The following GREB1 variants were observed in gnomAD, a reference collection of about 807,000 sequenced individuals.
GREB1 encodes growth regulating estrogen receptor binding 1.
GREB1 carries 106 observed loss-of-function variants against 200.7 expected under a neutral mutation model. The ratio of observed to expected loss-of-function variants is 0.53; its 90% confidence interval spans 0.45 to 0.62. The LOEUF (loss-of-function observed/expected upper bound fraction) is 0.62. GREB1 is among the 20% of genes least tolerant of loss of function. GREB1 has a pLI of 0.00. For missense variants in GREB1, 2,243 were observed against 2,556.8 expected, an observed-to-expected ratio of 0.88 and a Z score of 2.65; for synonymous variants, 1,132 against 1,092.4, an observed-to-expected ratio of 1.04 and a Z score of -0.72.
At position 11,609,450 on chromosome 2, in the gene GREB1, G is replaced by A. The variant is rs1368907907; in HGVS notation, c.2667-1238G>A. Among the ~76,000 whole-genome samples the A allele has an allele frequency of 2.0e-5, 3 of 152,048 alleles. No homozygotes were observed. In the East Asian group the frequency reaches 5.8e-4, roughly 29 times the overall value. On this transcript the variant is annotated intron_variant, in intron 17 of 32. Coordinates refer to ENST00000381486, the MANE Select transcript of GREB1 (RefSeq NM_014668.4). ...TGCCTGACTAACTTTTGTATTTTTA[G>A]TAGAGGCAGGGTTTCATCATGTTGG...
rs1672790721 is a variant in GREB1, at chr2:11,492,339, C to A, written c.-159+9958C>A. Among the ~76,000 whole-genome samples the A allele has an allele frequency of 6.6e-6, 1 of 152,232 alleles. No homozygotes were observed. The highest frequency in any genetic ancestry group is 2.4e-5 in the African/African-American group (1 of 41,462). On this transcript the variant is annotated intron_variant, in intron 1 of 2. Coordinates refer to the GREB1 transcript ENST00000628795. The surrounding 1 kb of genome is among the most constrained non-coding windows in gnomAD (Gnocchi z 4.0). ...TCTCCAAACCCTCAGTGTGCTCTAT[C>A]AAGAAATGCTTGTTGGTTGGTTTGT...
At chr2:11,588,406 G>A (rs1224523083) in intron 9 of GREB1, 1 of 567,246 alleles carries the variant, frequency 1.8e-6, no homozygotes, top group Non-Finnish European at 2.7e-6. Flanking sequence ...CCCACAAGGT[G>A]TCCCATTGGT....
At chr2:11,588,197 C>A in intron 9 of GREB1, 1 of 771,924 alleles carries the variant, frequency 1.3e-6, no homozygotes, top group Non-Finnish European at 1.6e-6. Flanking sequence ...CCACTGCACT[C>A]CAGCCCGGGG....
intron 17 of GREB1, among the ~76,000 whole-genome samples, chr2:11,607,519 CAT>C (rs201035342): frequency 0.12 from 13,398 of 115,120 alleles, 916 homozygotes; most frequent in South Asian, 0.29. Context: ...TATGTACATA[CAT>C]ATATATACAC....
In GREB1 at chr2:11,595,383, G is replaced by T. The variant is rs772198119; in HGVS notation, c.1825+4G>T. ...TTCTTTAGCACCCTCTGTCCAGGTA[G>T]GCTTGTCGTGAGACAGGTGCACATG... On this transcript the variant is annotated splice_donor_region_variant and intron_variant, in intron 12 of 32. Coordinates refer to ENST00000381486, the MANE Select transcript of GREB1 (RefSeq NM_014668.4). 96 of 1,612,250 alleles carry T rather than the reference G, an allele frequency of 6.0e-5. No homozygotes were observed. Among genetic ancestry groups the T allele is most frequent in the Non-Finnish European group, 8.1e-5 (96 of 1,178,860 alleles).
intron 1 of GREB1, among the ~76,000 whole-genome samples, chr2:11,541,404 C>T (rs114509885): frequency 0.015 from 2,272 of 149,960 alleles, 65 homozygotes; most frequent in African/African-American, 0.052. Flanking sequence ...TGTGCACAGG[C>T]GGGTTCTGTG....
At chr2:11,610,380 C>T (rs1271223684) in intron 17 of GREB1, among the ~76,000 whole-genome samples, 1 of 152,142 alleles carries the variant, frequency 6.6e-6, no homozygotes, top group East Asian at 1.9e-4. Context: ...GCATTTATAC[C>T]ATTTATTCAT....
intron 1 of GREB1, among the ~76,000 whole-genome samples, chr2:11,521,291 G>A (rs1443652980): frequency 1.3e-5 from 2 of 152,024 alleles, no homozygotes; most frequent in Non-Finnish European, 1.5e-5. Flanking sequence ...TGTATTTTTA[G>A]TAGAGATGGG....
chr2:11,557,827 G>A (rs1202324986), intron 2 of GREB1, among the ~76,000 whole-genome samples: 1 of 152,130 alleles, frequency 6.6e-6, no homozygotes, highest in Admixed American at 6.6e-5. Flanking sequence ...CCAAGAATTC[G>A]CTGGCATTCA....
At chr2:11,532,410 G>T (rs75988202), upstream of GREB1, among the ~76,000 whole-genome samples, 330 of 152,318 alleles carry the variant, frequency 2.2e-3, no homozygotes, top group Non-Finnish European at 3.9e-3. Flanking sequence ...TGCTTCTGAA[G>T]GGCAGAGCTG....
rs540729202 is a variant in GREB1, at chr2:11,616,720, G to A, written c.3412G>A (p.Gly1138Ser). ...ASSSLSSKASGSALGGESSAQ... is the reference protein window; with the variant it reads ...ASSSLSSKASSSALGGESSAQ... ...CTCATCCCTCTCCTCCAAGGCTTCCGGTGAGTCTTCCCACACGGGAAGGAC... is the reference window on the plus strand; with the variant it reads ...CTCATCCCTCTCCTCCAAGGCTTCCAGTGAGTCTTCCCACACGGGAAGGAC... The change falls in exon 21 of 33, where the codon GGT (glycine) becomes AGT (serine). Residue 1138 changes from glycine to serine, a missense_variant and splice_region_variant. Gly to Ser is a moderately conservative substitution (Grantham distance 56). Transcript: ENST00000381486. 14 of 1,596,556 alleles carry A rather than the reference G, an allele frequency of 8.8e-6. No individual in the cohort carries two copies. The highest frequency in any genetic ancestry group is 4.5e-5 in the East Asian group (2 of 44,806).
At chr2:11,531,801 C>T (rs955216372), upstream of GREB1, among the ~76,000 whole-genome samples, 13 of 152,136 alleles carry the variant, frequency 8.5e-5, no homozygotes, top group Admixed American at 8.5e-4. Context: ...GATCTCCTGA[C>T]CTGAAGTGAT....
In GREB1 at chr2:11,527,047, C is replaced by T. The variant is rs1051529567; in HGVS notation, c.-158-29410C>T. 3.0e-4 allele frequency among the ~76,000 whole-genome samples: 46 copies of T among 152,192 alleles called. 1 individual carries two copies. The highest frequency in any genetic ancestry group is 4.4e-5 in the Non-Finnish European group (3 of 68,042). On this transcript the variant is annotated intron_variant, in intron 1 of 2. Coordinates refer to the GREB1 transcript ENST00000628795. ...ACCCACATCCTGCCCTCCATCCTTC[C>T]ACTACAGTTATTTATGATTTAGATA...
At chr2:11,537,384 C>T (rs1674341986) in intron 1 of GREB1, among the ~76,000 whole-genome samples, 1 of 152,144 alleles carries the variant, frequency 6.6e-6, no homozygotes, top group Admixed American at 6.5e-5. Context: ...TGCCAGGTAC[C>T]ATGCTAAGCA....
At chr2:11,568,288 G>A (rs1225502656) in intron 4 of GREB1, among the ~76,000 whole-genome samples, 15 of 152,218 alleles carry the variant, frequency 9.9e-5, no homozygotes, top group Admixed American at 9.8e-4. Context: ...GATGAAGAAT[G>A]GAGAGAGGGG....
chr2:11,486,299 G>A (rs1418018741), intron 1 of GREB1, among the ~76,000 whole-genome samples: 4 of 152,078 alleles, frequency 2.6e-5, no homozygotes, highest in African/African-American at 4.8e-5. Context: ...ATATATTGTA[G>A]TACTTTTAAA....
At chr2:11,610,634 A>C (rs767725479) in intron 17 of GREB1, 54 bp from the exon 18 acceptor site, 49 of 1,366,872 alleles carry the variant, frequency 3.6e-5, no homozygotes, top group Non-Finnish European at 4.7e-5. Context: ...ACTTGGCAGC[A>C]GCAGGCCGGT....
chr2:11,596,670 C>T (rs1558608268), intron 13 of GREB1, among the ~76,000 whole-genome samples: 2 of 73,554 alleles, frequency 2.7e-5, no homozygotes, highest in Admixed American at 1.9e-4. Context: ...GGTGGGGGCA[C>T]AGGTGTGTAC....
In GREB1 at chr2:11,602,395, C is replaced by G. The variant is rs751666110; in HGVS notation, c.2530-11C>G. ...CAGTGTTGGAGTGACCGACGCTCTTCTTTGTTTTAGGGAGTGGACTTATAT... is the reference window on the plus strand; with the variant it reads ...CAGTGTTGGAGTGACCGACGCTCTTGTTTGTTTTAGGGAGTGGACTTATAT... On this transcript the variant is annotated splice_polypyrimidine_tract_variant and intron_variant, in intron 16 of 32. Coordinates refer to ENST00000381486, the MANE Select transcript of GREB1 (RefSeq NM_014668.4). The G allele has an allele frequency of 1.2e-6, 2 of 1,613,124 alleles. No homozygotes were observed. The highest frequency in any genetic ancestry group is 1.7e-6 in the Non-Finnish European group (2 of 1,179,242).
Sources: gnomAD v4.1 joint callset for allele counts (sites outside exome capture counted in the v4.1 genomes callset) on GRCh38, gnomAD v4.1.1 for gene constraint, Gnocchi (gnomAD v3.1) non-coding constraint, MANE v1.5 for transcripts, NCBI Gene and HGNC (gene_info 2026-07-23, HGNC 2026-07-21) for gene names.